The following AUTS2 variants were observed in gnomAD, a reference collection of about 807,000 sequenced individuals.
AUTS2 encodes the protein autism susceptibility gene 2 protein.
AUTS2 carries 17 observed loss-of-function variants against 112.4 expected under a neutral mutation model. The observed-to-expected ratio is 0.15, with a 90% CI of 0.10 to 0.23. The LOEUF (loss-of-function observed/expected upper bound fraction) is 0.23, where lower values mean the gene tolerates loss of function less well. Ranked by LOEUF, AUTS2 falls within the 10% of genes least tolerant of loss-of-function variation. The pLI, the probability that AUTS2 is intolerant of heterozygous loss-of-function variation, is 1.00. For synonymous variants in AUTS2, 751 were observed against 702.7 expected, an observed-to-expected ratio of 1.07 and a Z score of -1.09; for missense variants, 1,510 against 1,701.6, an observed-to-expected ratio of 0.89 and a Z score of 1.98.
chr7:70,307,543 G>A (rs1789544054), intron 4 of AUTS2, among the ~76,000 whole-genome samples: 1 of 152,206 alleles, frequency 6.6e-6, no homozygotes, highest in Non-Finnish European at 1.5e-5. Context: ...CCAGACACAT[G>A]CTCTAGCTTT....
intron 6 of AUTS2, among the ~76,000 whole-genome samples, chr7:70,707,533 T>C (rs1165868124): frequency 6.6e-6 from 1 of 152,004 alleles, no homozygotes; most frequent in African/African-American, 2.4e-5. Flanking sequence ...AAAATTCGGA[T>C]TGGGGGAAAC....
chr7:70,188,282 C>T (rs1007095366), intron 4 of AUTS2, among the ~76,000 whole-genome samples: 5 of 152,044 alleles, frequency 3.3e-5, no homozygotes, highest in South Asian at 4.1e-4. Context: ...GAGTAAGATC[C>T]GGGCTTGAAA....
chr7:70,320,386 G>C (rs907643721), intron 4 of AUTS2, among the ~76,000 whole-genome samples: 1 of 152,204 alleles, frequency 6.6e-6, no homozygotes, highest in Non-Finnish European at 1.5e-5. Context: ...TTCTACAAAA[G>C]TAAAATTCAC....
intron 4 of AUTS2, among the ~76,000 whole-genome samples, chr7:70,253,023 C>A (rs1786681496): frequency 6.6e-6 from 1 of 152,028 alleles, no homozygotes; most frequent in Non-Finnish European, 1.5e-5. Flanking sequence ...CGTGATGTTT[C>A]TTTTTCATTT....
intron 1 of AUTS2, among the ~76,000 whole-genome samples, chr7:69,800,561 A>G (rs1013146374): frequency 6.6e-6 from 1 of 152,156 alleles, no homozygotes; most frequent in Non-Finnish European, 1.5e-5. Context: ...CCAGTTTGAT[A>G]TTTTTAAGAA....
chr7:69,692,580 T>C (rs1450524459), intron 1 of AUTS2, among the ~76,000 whole-genome samples: 1 of 152,278 alleles, frequency 6.6e-6, no homozygotes, highest in Non-Finnish European at 1.5e-5. Context: ...TGTTGTCTCT[T>C]CAGTTGATGC....
chr7:69,984,213 C>G (rs1381795893), intron 2 of AUTS2, among the ~76,000 whole-genome samples: 1 of 151,720 alleles, frequency 6.6e-6, no homozygotes. Context: ...GTCAGGAGAT[C>G]GAGACCACGG....
intron 6 of AUTS2, among the ~76,000 whole-genome samples, chr7:70,757,807 CTTTTTTTT>C (rs3974412): frequency 5.3e-4 from 32 of 60,544 alleles, no homozygotes; most frequent in Non-Finnish European, 7.4e-4. Context: ...TCCATGGCTT[CTTTTTTTT>C]TTTTTTTTTT....
chr7:70,553,218 T>C (rs985269522), intron 5 of AUTS2, among the ~76,000 whole-genome samples: 5 of 152,228 alleles, frequency 3.3e-5, no homozygotes, highest in Non-Finnish European at 7.3e-5. Context: ...TCTGTTCTGG[T>C]CATTCAGCCT....
chr7:69,673,198 C>A (rs910422018), intron 1 of AUTS2, among the ~76,000 whole-genome samples: 7 of 152,076 alleles, frequency 4.6e-5, no homozygotes, highest in Non-Finnish European at 1.0e-4. Context: ...GGATTGTATT[C>A]TGTGCTTTAG....
At chr7:70,369,947 G>C (rs897549854) in intron 4 of AUTS2, among the ~76,000 whole-genome samples, 1 of 152,056 alleles carries the variant, frequency 6.6e-6, no homozygotes, top group African/African-American at 2.4e-5. Context: ...AGGAAGACTC[G>C]GATATGTTGG....
intron 2 of AUTS2, among the ~76,000 whole-genome samples, chr7:69,966,769 T>C (rs2129547509): frequency 6.6e-6 from 1 of 152,298 alleles, no homozygotes; most frequent in African/African-American, 2.4e-5. Flanking sequence ...CTCTGTTTCT[T>C]TCATCTCGTA....
At chr7:69,921,763 A>G (rs886104760) in intron 2 of AUTS2, among the ~76,000 whole-genome samples, 1 of 79,622 alleles carries the variant, frequency 1.3e-5, no homozygotes, top group Non-Finnish European at 2.6e-5. Context: ...CTCTGTCTTT[A>G]AAAAAAAAAA....
At chr7:69,804,256 T>C (rs886514111) in intron 1 of AUTS2, among the ~76,000 whole-genome samples, 2 of 152,080 alleles carry the variant, frequency 1.3e-5, no homozygotes, top group African/African-American at 4.8e-5. Context: ...AACACACATA[T>C]ATGGTCACGT....
At chr7:70,648,407 G>T (rs1044115784) in intron 5 of AUTS2, among the ~76,000 whole-genome samples, 1 of 152,170 alleles carries the variant, frequency 6.6e-6, no homozygotes, top group Admixed American at 6.5e-5. Context: ...AGGGACAGGC[G>T]TGGGAGCATC....
chr7:70,319,445 C>G (rs780182036), intron 4 of AUTS2, among the ~76,000 whole-genome samples: 5 of 152,132 alleles, frequency 3.3e-5, no homozygotes, highest in Non-Finnish European at 7.3e-5. Flanking sequence ...AGTTTCTCAA[C>G]CCAGCGAAAT....
intron 5 of AUTS2, among the ~76,000 whole-genome samples, chr7:70,669,829 G>A (rs935323605): frequency 4.6e-5 from 7 of 152,176 alleles, no homozygotes; most frequent in African/African-American, 1.4e-4. Context: ...GCAGAAAAAC[G>A]AACACAATTA....
Position 69,629,267 on chromosome 7 carries a change from C to T in AUTS2, c.309+29305C>T, listed in dbSNP as rs185346391. Among the ~76,000 whole-genome samples the T allele has an allele frequency of 2.7e-3, 414 of 152,236 alleles. 4 individuals are homozygous for T. Among genetic ancestry groups the T allele is most frequent in the African/African-American group, 9.4e-3 (391 of 41,538 alleles). Reference sequence around the variant, plus strand: ...CCATGTGGGAATCTTTGGCAGCCACCGTTTACCACCTTAACTTTTCTGAGC... The same window carrying T: ...CCATGTGGGAATCTTTGGCAGCCACTGTTTACCACCTTAACTTTTCTGAGC... On this transcript the variant is annotated intron_variant, in intron 1 of 18. Coordinates refer to ENST00000342771, the MANE Select transcript of AUTS2 (RefSeq NM_015570.4).
At chr7:70,343,228 C>G (rs1014791281) in intron 4 of AUTS2, among the ~76,000 whole-genome samples, 11 of 152,218 alleles carry the variant, frequency 7.2e-5, no homozygotes, top group Admixed American at 7.2e-4. Context: ...CCAGTTCACA[C>G]TGAAAGGGTA....
Sources: gnomAD v4.1 joint callset for allele counts (sites outside exome capture counted in the v4.1 genomes callset) on GRCh38, gnomAD v4.1.1 for gene constraint, MANE v1.5 for transcripts, NCBI Gene and HGNC (gene_info 2026-07-23, HGNC 2026-07-21) for gene names.